Variants in IFNG-AS1 observed in about 807,000 individuals in gnomAD.
IFNG-AS1 encodes IFNG antisense RNA 1 (non-protein coding).
intron 1 of IFNG-AS1, chr12:67,989,635 A>G (rs1156259964): frequency 6.6e-6 from 1 of 152,148 alleles, no homozygotes; most frequent in Non-Finnish European, 1.5e-5. Flanking sequence ...AAACAAATAA[A>G]TGTGTTTTCT....
At chr12:67,992,743 C>A (rs1298021586) in intron 1 of IFNG-AS1, among the ~76,000 whole-genome samples, 1 of 152,032 alleles carries the variant, frequency 6.6e-6, no homozygotes, top group Admixed American at 6.6e-5. Flanking sequence ...ATTTTGGTTA[C>A]CAAATTAGAC....
At chr12:68,003,837 G>A (rs1388613999) in intron 2 of IFNG-AS1, among the ~76,000 whole-genome samples, 1 of 151,630 alleles carries the variant, frequency 6.6e-6, no homozygotes, top group East Asian at 1.9e-4. Context: ...AACCTGGGAG[G>A]CGGAGCTTGC....
chr12:67,997,775 A>G (rs183742253), intron 2 of IFNG-AS1, among the ~76,000 whole-genome samples: 1 of 151,960 alleles, frequency 6.6e-6, no homozygotes, highest in African/African-American at 2.4e-5. Flanking sequence ...TATTCTGCTA[A>G]TATATTAAAA....
intron 4 of IFNG-AS1, chr12:68,020,479 G>A (rs1482214267): frequency 6.6e-6 from 1 of 152,032 alleles, no homozygotes; most frequent in Non-Finnish European, 1.5e-5. Context: ...TGAGAGAGAG[G>A]GCCAAAAGTT....
intron 2 of IFNG-AS1, among the ~76,000 whole-genome samples, chr12:68,001,239 C>A (rs7957858): frequency 6.6e-6 from 1 of 152,106 alleles, no homozygotes; most frequent in Admixed American, 6.5e-5. Context: ...TGTTACTGAA[C>A]CAACCTAGTG....
Position 67,991,003 on chromosome 12 carries a change from A to G in IFNG-AS1, n.51+1424A>G, listed in dbSNP as rs567451686. Among the ~76,000 whole-genome samples the G allele has an allele frequency of 3.5e-4, 54 of 152,276 alleles. 1 individual carries two copies. The Middle Eastern group carries it at 0.01, about 29-fold the overall frequency. The stretch of plus-strand genomic sequence containing the variant: ...CACCATGTGCATATGGCTATTAAAG[A>G]TCCAATATGAACATGCTATAGTTTC... On this transcript the variant is annotated intron_variant and non_coding_transcript_variant, in intron 1 of 5. Transcript: ENST00000536914.
intron 3 of IFNG-AS1, among the ~76,000 whole-genome samples, chr12:68,007,408 A>G (rs1879930583): frequency 6.6e-6 from 1 of 152,226 alleles, no homozygotes; most frequent in Non-Finnish European, 1.5e-5. Flanking sequence ...ATGTCATCCT[A>G]ATATAAACAC....
chr12:68,019,311 G>T (rs934846328), intron 3 of IFNG-AS1, among the ~76,000 whole-genome samples: 2 of 152,042 alleles, frequency 1.3e-5, no homozygotes, highest in Admixed American at 6.6e-5. Context: ...TAAGTGCCTC[G>T]CATGTATCAA....
chr12:67,995,608 G>A (rs1879622045), intron 1 of IFNG-AS1, among the ~76,000 whole-genome samples: 3 of 151,026 alleles, frequency 2.0e-5, no homozygotes, highest in South Asian at 4.2e-4. Flanking sequence ...TGTATTCCCA[G>A]CTATTCGGAA....
chr12:68,018,506 C>T (rs2120484835), intron 3 of IFNG-AS1, among the ~76,000 whole-genome samples: 1 of 152,210 alleles, frequency 6.6e-6, no homozygotes, highest in East Asian at 1.9e-4. Context: ...TAAGCCTAAA[C>T]CAGTCATGCC....
intron 1 of IFNG-AS1, among the ~76,000 whole-genome samples, chr12:67,989,933 T>G (rs1879464808): frequency 6.6e-6 from 1 of 152,214 alleles, no homozygotes; most frequent in African/African-American, 2.4e-5. Flanking sequence ...TAAGCTTTGA[T>G]TGAACTATTC....
chr12:68,015,904 C>T lies in IFNG-AS1; in HGVS notation n.242-3958C>T, dbSNP rs530612904. 2.1e-4 allele frequency among the ~76,000 whole-genome samples: 32 copies of T among 151,626 alleles called. No homozygotes were observed. In the South Asian group the frequency reaches 4.2e-3, roughly 20 times the overall value. ...TGTAACCTGAGGCCAAGTTACTTCA[C>T]GGTTTAGTGCCTCCATTTTCCTATC... On this transcript the variant is annotated intron_variant and non_coding_transcript_variant, in intron 3 of 5. Coordinates refer to ENST00000536914, the Ensembl canonical transcript of IFNG-AS1.
chr12:67,995,702 A>G (rs1453776142), intron 1 of IFNG-AS1, among the ~76,000 whole-genome samples: 2 of 150,322 alleles, frequency 1.3e-5, no homozygotes, highest in East Asian at 3.9e-4. Context: ...AGCCTGGGTG[A>G]CAGAGTGAGA....
At chr12:67,997,022 A>G (rs1158155185) in intron 2 of IFNG-AS1, among the ~76,000 whole-genome samples, 1 of 152,162 alleles carries the variant, frequency 6.6e-6, no homozygotes, top group Non-Finnish European at 1.5e-5. Context: ...ATAACTTACT[A>G]TTTTATATAC....
intron 3 of IFNG-AS1, among the ~76,000 whole-genome samples, chr12:68,009,502 C>T (rs982407603): frequency 1.3e-5 from 2 of 152,100 alleles, no homozygotes; most frequent in East Asian, 1.9e-4. Context: ...CCACCACGCC[C>T]AGCTAATTTT....
At chr12:68,014,748 C>A (rs1169287364) in intron 3 of IFNG-AS1, among the ~76,000 whole-genome samples, 2 of 151,906 alleles carry the variant, frequency 1.3e-5, no homozygotes, top group Non-Finnish European at 2.9e-5. Flanking sequence ...CAAGCCTCCA[C>A]AATCACATAC....
chr12:68,020,316 T>C (rs1306457461), intron 4 of IFNG-AS1: 4 of 152,160 alleles, frequency 2.6e-5, no homozygotes, highest in Admixed American at 6.5e-5. Context: ...ATCAGGCCTG[T>C]GCTTTAGTAA....
At chr12:67,992,885 A>T (rs1449562110) in intron 1 of IFNG-AS1, among the ~76,000 whole-genome samples, 1 of 152,234 alleles carries the variant, frequency 6.6e-6, no homozygotes, top group Non-Finnish European at 1.5e-5. Flanking sequence ...ACATCCCTTG[A>T]TTTCGTATCC....
At chr12:67,990,564 C>T (rs1879484135) in intron 1 of IFNG-AS1, among the ~76,000 whole-genome samples, 1 of 151,700 alleles carries the variant, frequency 6.6e-6, no homozygotes, top group Non-Finnish European at 1.5e-5. Context: ...TTAAAGGAAA[C>T]TTTATACACC....
Sources: gnomAD v4.1 joint callset for allele counts (sites outside exome capture counted in the v4.1 genomes callset) on GRCh38, gnomAD v4.1.1 for gene constraint, MANE v1.5 for transcripts, NCBI Gene and HGNC (gene_info 2026-07-23, HGNC 2026-07-21) for gene names.